WDPCP: variants seen among roughly 807,000 people sequenced by gnomAD.
WDPCP encodes the protein WD repeat-containing and planar cell polarity effector protein fritz homolog.
Under a neutral mutation model 93.1 loss-of-function variants are expected in WDPCP, and 71 were observed. The ratio of observed to expected loss-of-function variants is 0.76; its 90% CI spans 0.63 to 0.93. WDPCP has a LOEUF of 0.93. Ranked by LOEUF, WDPCP falls within the 40% of genes least tolerant of loss-of-function variation. The pLI is 0.00. For synonymous variants in WDPCP, 315 were observed against 315.0 expected, an observed-to-expected ratio of 1.00 and a Z score of 0.00; for missense variants, 844 against 887.4, an observed-to-expected ratio of 0.95 and a Z score of 0.62.
intron 2 of WDPCP, among the ~76,000 whole-genome samples, chr2:63,796,818 G>A (rs1277965378): frequency 6.6e-6 from 1 of 152,212 alleles, no homozygotes; most frequent in Non-Finnish European, 1.5e-5. Flanking sequence ...GCTGGGCTTG[G>A]AGCCAGTGGA....
intron 2 of WDPCP, among the ~76,000 whole-genome samples, chr2:63,772,749 CATAAA>C (rs1362495331): frequency 6.6e-6 from 1 of 151,926 alleles, no homozygotes; most frequent in Non-Finnish European, 1.5e-5. Flanking sequence ...TTACTCATGA[CATAAA>C]ATAAAACAAC....
intron 2 of WDPCP, among the ~76,000 whole-genome samples, chr2:63,786,719 G>A (rs1231939135): frequency 2.6e-5 from 4 of 152,064 alleles, no homozygotes; most frequent in Non-Finnish European, 5.9e-5. Flanking sequence ...AGCATGATCC[G>A]CAGAAACAGA....
chr2:63,629,913 A>G (rs1558870744), intron 3 of WDPCP, among the ~76,000 whole-genome samples: 1 of 152,260 alleles, frequency 6.6e-6, no homozygotes, highest in Non-Finnish European at 1.5e-5. Flanking sequence ...TTGTCACACC[A>G]TGAACTAAAA....
chr2:63,690,929 G>A (rs891851745), intron 2 of WDPCP, among the ~76,000 whole-genome samples: 2 of 152,114 alleles, frequency 1.3e-5, no homozygotes, highest in Non-Finnish European at 2.9e-5. Flanking sequence ...TTACATAGGG[G>A]AATGCCATGG....
At chr2:63,211,171 C>G (rs1378643833) in intron 14 of WDPCP, among the ~76,000 whole-genome samples, 4 of 152,220 alleles carry the variant, frequency 2.6e-5, no homozygotes, top group Non-Finnish European at 5.9e-5. Context: ...AAGTGGGTCC[C>G]TGACCCCCGA....
At chr2:63,475,419 T>G (rs1699919479) in intron 6 of WDPCP, among the ~76,000 whole-genome samples, 1 of 152,112 alleles carries the variant, frequency 6.6e-6, no homozygotes, top group Non-Finnish European at 1.5e-5. Context: ...ACCTCTGAAC[T>G]TAAGATACTG....
chr2:63,748,690 A>G (rs765720648), intron 2 of WDPCP, among the ~76,000 whole-genome samples: 4 of 152,066 alleles, frequency 2.6e-5, no homozygotes, highest in Non-Finnish European at 5.9e-5. Flanking sequence ...AAACATTTTA[A>G]CTTTATAGCT....
chr2:63,222,784 CTA>C (rs1242688904), intron 14 of WDPCP, among the ~76,000 whole-genome samples: 1 of 152,092 alleles, frequency 6.6e-6, no homozygotes, highest in African/African-American at 2.4e-5. Flanking sequence ...TTACATGAAT[CTA>C]TTTTTTTAAC....
At chr2:63,123,703 T>C (rs1391032455) in intron 17 of WDPCP, among the ~76,000 whole-genome samples, 3 of 152,032 alleles carry the variant, frequency 2.0e-5, no homozygotes, top group Non-Finnish European at 4.4e-5. Context: ...TTTTAAACAT[T>C]ATTTGAAGTA....
chr2:63,233,121 A>G (rs1679076963), intron 14 of WDPCP: 2 of 156,514 alleles, frequency 1.3e-5, no homozygotes, highest in Admixed American at 6.5e-5. Context: ...AATTGCAGCA[A>G]TGTGACAGCC....
rs181543418 is a variant in WDPCP at position 63,393,690 on chromosome 2, A to C, written c.1435+10358T>G. 2.0e-5 allele frequency among the ~76,000 whole-genome samples: 3 copies of C among 152,290 alleles called. No individual in the cohort carries two copies. The East Asian group carries it at 5.8e-4, about 29-fold the overall frequency. ...ACTTCAAACTATACCACAATGATGC[A>C]ATGACCAAAACAGCATGGTACTGGT... On this transcript the variant is annotated intron_variant, in intron 10 of 17. Transcript: ENST00000272321.
At chr2:63,553,285 T>C (rs1705820378) in intron 1 of WDPCP, among the ~76,000 whole-genome samples, 2 of 152,242 alleles carry the variant, frequency 1.3e-5, no homozygotes, top group Admixed American at 1.3e-4. Context: ...TTATTCTCTT[T>C]GAACTAATCA....
At chr2:63,700,306 A>AAAAAAAAG (rs1558887470) in intron 2 of WDPCP, among the ~76,000 whole-genome samples, 1 of 146,140 alleles carries the variant, frequency 6.8e-6, no homozygotes. Flanking sequence ...AAAAAAAACA[A>AAAAAAAAG]AAAGAAAAAA....
chr2:63,468,052 T>C (rs1026157687), intron 6 of WDPCP, among the ~76,000 whole-genome samples: 4 of 152,196 alleles, frequency 2.6e-5, no homozygotes, highest in African/African-American at 9.6e-5. Context: ...TGAGCATCAC[T>C]GGGTACTAGG....
At chr2:63,678,452 C>G (rs1575745438) in intron 2 of WDPCP, among the ~76,000 whole-genome samples, 1 of 152,288 alleles carries the variant, frequency 6.6e-6, no homozygotes, top group African/African-American at 2.4e-5. Context: ...TTTCCAGCCT[C>G]TAATGCACAG....
intron 14 of WDPCP, among the ~76,000 whole-genome samples, chr2:63,191,013 G>T (rs1249689410): frequency 6.6e-6 from 1 of 152,108 alleles, no homozygotes; most frequent in Non-Finnish European, 1.5e-5. Flanking sequence ...TTTTAGACTG[G>T]GAGTCCATGT....
At chr2:63,317,722 T>C (rs1222755105) in intron 12 of WDPCP, among the ~76,000 whole-genome samples, 2 of 152,148 alleles carry the variant, frequency 1.3e-5, no homozygotes, top group African/African-American at 4.8e-5. Context: ...ATACAGATGA[T>C]TGAAACTACG....
intron 2 of WDPCP, chr2:63,717,393 G>T: frequency 4.7e-6 from 2 of 426,696 alleles, no homozygotes; most frequent in South Asian, 3.9e-5. Flanking sequence ...TGATGATAGT[G>T]TCTGTTTTTT....
chr2:63,540,349 A>G (rs1704613293), intron 1 of WDPCP, among the ~76,000 whole-genome samples: 1 of 152,204 alleles, frequency 6.6e-6, no homozygotes, highest in Non-Finnish European at 1.5e-5. Context: ...TTCATTACAC[A>G]AAACGTTCAC....
Sources: allele counts gnomAD v4.1 joint callset (sites outside exome capture counted in the v4.1 genomes callset), GRCh38; gene constraint gnomAD v4.1.1; transcripts MANE v1.5; gene names NCBI Gene and HGNC (gene_info 2026-07-23, HGNC 2026-07-21).